C1orf21: variants seen among roughly 807,000 people sequenced by gnomAD.
The protein encoded by C1orf21 is uncharacterized protein C1orf21.
A neutral mutation model predicts 18.7 loss-of-function variants in C1orf21; 3 were observed. The ratio of observed to expected loss-of-function variants is 0.16; its 90% CI spans 0.07 to 0.42. The LOEUF (loss-of-function observed/expected upper bound fraction) is 0.42. Ranked by LOEUF, C1orf21 falls within the 10% of genes least tolerant of loss-of-function variation. C1orf21 has a pLI of 0.99. For missense variants in C1orf21, 104 were observed against 143.6 expected, an observed-to-expected ratio of 0.72 and a Z score of 1.41; for synonymous variants, 41 against 46.4, an observed-to-expected ratio of 0.88 and a Z score of 0.47.
chr1:184,588,093 A>G (rs966716371), intron 3 of C1orf21, among the ~76,000 whole-genome samples: 1 of 152,182 alleles, frequency 6.6e-6, no homozygotes, highest in Non-Finnish European at 1.5e-5. Context: ...AAGCTGAACT[A>G]GGCATTGTTT....
chr1:184,447,916 G>C (rs1036102570), intron 1 of C1orf21, among the ~76,000 whole-genome samples: 1 of 152,038 alleles, frequency 6.6e-6, no homozygotes, highest in African/African-American at 2.4e-5. Flanking sequence ...CCACTTAAGT[G>C]GTCTCATTTC....
At chr1:184,392,420 A>G (rs1223077126) in intron 1 of C1orf21, among the ~76,000 whole-genome samples, 8 of 152,186 alleles carry the variant, frequency 5.3e-5, no homozygotes, top group Non-Finnish European at 7.4e-5. Flanking sequence ...GTGGAATAAT[A>G]GACACTGGAG....
chr1:184,597,663 A>G (rs1659534635), intron 4 of C1orf21, among the ~76,000 whole-genome samples: 3 of 152,076 alleles, frequency 2.0e-5, no homozygotes, highest in Admixed American at 1.3e-4. Context: ...ATGGCCCATT[A>G]AGACTAAGTC....
chr1:184,469,159 A>C (rs1408950267), intron 1 of C1orf21, among the ~76,000 whole-genome samples: 1 of 152,168 alleles, frequency 6.6e-6, no homozygotes, highest in Non-Finnish European at 1.5e-5. Flanking sequence ...CTGAGGCACG[A>C]GAATTGCTTG....
At chr1:184,530,726 A>G (rs545001921) in intron 3 of C1orf21, among the ~76,000 whole-genome samples, 2 of 145,478 alleles carry the variant, frequency 1.4e-5, no homozygotes, top group South Asian at 2.2e-4. Context: ...CCTTATAGCT[A>G]TTTTTATTCA....
intron 1 of C1orf21, among the ~76,000 whole-genome samples, chr1:184,391,012 T>C (rs1441264605): frequency 1.3e-5 from 2 of 152,194 alleles, no homozygotes; most frequent in Non-Finnish European, 2.9e-5. Flanking sequence ...AGATCATAAT[T>C]CAAGAGCTTA....
intron 3 of C1orf21, among the ~76,000 whole-genome samples, chr1:184,587,882 T>C (rs924231685): frequency 2.0e-5 from 3 of 152,104 alleles, no homozygotes; most frequent in Non-Finnish European, 4.4e-5. Context: ...CCTAAAGTGC[T>C]AGGATTGCAA....
At chr1:184,421,537 ATT>A (rs531908523) in intron 1 of C1orf21, among the ~76,000 whole-genome samples, 1,526 of 152,298 alleles carry the variant, frequency 0.01, 26 homozygotes, top group African/African-American at 0.035. Flanking sequence ...GTTTCAGATA[ATT>A]TTTAATATAA....
At chr1:184,414,670 C>T (rs1159671921) in intron 1 of C1orf21, among the ~76,000 whole-genome samples, 2 of 151,370 alleles carry the variant, frequency 1.3e-5, no homozygotes, top group African/African-American at 4.8e-5. Flanking sequence ...ATGTTTTTGT[C>T]AATAAATGTT....
At chr1:184,521,379 A>G (rs2101969308) in intron 3 of C1orf21, among the ~76,000 whole-genome samples, 1 of 152,330 alleles carries the variant, frequency 6.6e-6, no homozygotes, top group South Asian at 2.1e-4. Context: ...GGAAGCAACC[A>G]AGGTGTCCTT....
At chr1:184,583,025 G>A (rs775133795) in intron 3 of C1orf21, among the ~76,000 whole-genome samples, 1 of 152,124 alleles carries the variant, frequency 6.6e-6, no homozygotes, top group Non-Finnish European at 1.5e-5. Context: ...TTTTAGTAGA[G>A]GAGGGATTTC....
intron 1 of C1orf21, among the ~76,000 whole-genome samples, chr1:184,467,870 G>A (rs1380595949): frequency 6.6e-6 from 1 of 152,104 alleles, no homozygotes; most frequent in Non-Finnish European, 1.5e-5. Context: ...GAGGACCCAA[G>A]GCACTGTGAA....
At chr1:184,522,907 T>G (rs1658324226) in intron 3 of C1orf21, among the ~76,000 whole-genome samples, 1 of 152,110 alleles carries the variant, frequency 6.6e-6, no homozygotes, top group Admixed American at 6.6e-5. Flanking sequence ...AGGCTGGTCT[T>G]GAACTCTTGA....
At chr1:184,595,297 C>T (rs978603990) in intron 4 of C1orf21, among the ~76,000 whole-genome samples, 1 of 152,144 alleles carries the variant, frequency 6.6e-6, no homozygotes, top group African/African-American at 2.4e-5. Flanking sequence ...TTCAGTGATC[C>T]TTTTCTAATA....
At chr1:184,504,627 C>T (rs1323896498) in intron 2 of C1orf21, among the ~76,000 whole-genome samples, 9 of 152,218 alleles carry the variant, frequency 5.9e-5, no homozygotes, top group Non-Finnish European at 1.3e-4. Flanking sequence ...TCCTTCCCGG[C>T]ACCAGCCTTT....
intron 2 of C1orf21, among the ~76,000 whole-genome samples, chr1:184,502,097 G>A (rs1034610087): frequency 1.3e-5 from 2 of 152,174 alleles, no homozygotes; most frequent in South Asian, 4.1e-4. Flanking sequence ...GCACTGAGAT[G>A]AGTCTTACAC....
chr1:184,481,392 G>A (rs1013749059), intron 2 of C1orf21, among the ~76,000 whole-genome samples: 1 of 152,082 alleles, frequency 6.6e-6, no homozygotes, highest in African/African-American at 2.4e-5. Flanking sequence ...TGATACATAT[G>A]GTGCCTCTGA....
chr1:184,521,784 G>A (rs1209282836), intron 3 of C1orf21, among the ~76,000 whole-genome samples: 1 of 152,098 alleles, frequency 6.6e-6, no homozygotes, highest in African/African-American at 2.4e-5. Flanking sequence ...AAAGCCTGGG[G>A]ATCTCGGTAT....
intron 1 of C1orf21, among the ~76,000 whole-genome samples, chr1:184,449,387 T>G (rs1305388767): frequency 6.6e-6 from 1 of 152,188 alleles, no homozygotes; most frequent in East Asian, 1.9e-4. Context: ...ACTCATCATT[T>G]TTTATGGCTG....
Sources: gnomAD v4.1 joint callset for allele counts (sites outside exome capture counted in the v4.1 genomes callset) on GRCh38, gnomAD v4.1.1 for gene constraint, MANE v1.5 for transcripts, NCBI Gene and HGNC (gene_info 2026-07-23, HGNC 2026-07-21) for gene names.